CDH18: variants seen among roughly 807,000 people sequenced by gnomAD.
CDH18 encodes the protein cadherin 18, also known as cadherin-18.
A neutral mutation model predicts 67.9 loss-of-function variants in CDH18; 31 were observed. The ratio of observed to expected loss-of-function variants is 0.46; its 90% confidence interval spans 0.34 to 0.62. CDH18 has a LOEUF of 0.62. Ranked by LOEUF, CDH18 falls within the 20% of genes least tolerant of loss-of-function variation. CDH18 has a pLI of 0.01. For synonymous variants in CDH18, 362 were observed against 347.2 expected, an observed-to-expected ratio of 1.04 and a Z score of -0.48; for missense variants, 890 against 975.5, an observed-to-expected ratio of 0.91 and a Z score of 1.17.
intron 3 of CDH18, among the ~76,000 whole-genome samples, chr5:19,802,923 A>C (rs577458085): frequency 6.6e-6 from 1 of 152,354 alleles, no homozygotes; most frequent in South Asian, 2.1e-4. Context: ...AATTGTTCCT[A>C]AGGTGTCAGC....
intron 2 of CDH18, among the ~76,000 whole-genome samples, chr5:19,861,366 A>G (rs1334363253): frequency 6.6e-6 from 1 of 152,030 alleles, no homozygotes; most frequent in African/African-American, 2.4e-5. Flanking sequence ...TGTACCCAGG[A>G]GCCGGGAGGA....
intron 1 of CDH18, among the ~76,000 whole-genome samples, chr5:20,303,096 A>G (rs1298044087): frequency 6.6e-6 from 1 of 152,102 alleles, no homozygotes; most frequent in Non-Finnish European, 1.5e-5. Context: ...ACCTTATTAC[A>G]TGTTTCCTAG....
intron 9 of CDH18, among the ~76,000 whole-genome samples, chr5:19,536,241 G>A (rs1749404166): frequency 6.6e-6 from 1 of 152,146 alleles, no homozygotes; most frequent in South Asian, 2.1e-4. Flanking sequence ...AATGCATGCA[G>A]AACATTTAAC....
chr5:19,471,750 T>C lies in CDH18; in HGVS notation c.*1476A>G, dbSNP rs1737669169. Among the ~76,000 whole-genome samples, 1 of 152,164 alleles carries C rather than the reference T, an allele frequency of 6.6e-6. No individual in the cohort carries two copies. Among genetic ancestry groups the C allele is most frequent in the African/African-American group, 2.4e-5 (1 of 41,452 alleles). On this transcript the variant is annotated 3_prime_UTR_variant, in exon 13 of 13. Coordinates refer to ENST00000382275, the MANE Select transcript of CDH18 (RefSeq NM_004934.5). ...AAATATTAAAATAATTGGAATTGTG[T>C]ACATATATTTAAACAGTAGCTTCAC...
At chr5:19,659,070 G>A (rs1189328485) in intron 5 of CDH18, among the ~76,000 whole-genome samples, 2 of 152,046 alleles carry the variant, frequency 1.3e-5, no homozygotes, top group Non-Finnish European at 2.9e-5. Flanking sequence ...AACACTGAAT[G>A]TTCTCACTCA....
At chr5:20,240,284 T>C (rs964971355) in intron 2 of CDH18, among the ~76,000 whole-genome samples, 11 of 151,628 alleles carry the variant, frequency 7.3e-5, no homozygotes, top group East Asian at 1.9e-4. Context: ...TAAAAAAAAG[T>C]TGGCAATTAG....
intron 1 of CDH18, among the ~76,000 whole-genome samples, chr5:20,327,624 A>G (rs185250466): frequency 8.9e-4 from 135 of 152,298 alleles, no homozygotes; most frequent in Non-Finnish European, 1.5e-3. Context: ...GTTCCTATCC[A>G]TCCAAGTGAA....
At chr5:20,357,539 C>G (rs1012311652) in intron 1 of CDH18, among the ~76,000 whole-genome samples, 4 of 151,820 alleles carry the variant, frequency 2.6e-5, no homozygotes, top group Non-Finnish European at 4.4e-5. Context: ...ATAAGAGCGG[C>G]CAAAAAACAT....
intron 1 of CDH18, among the ~76,000 whole-genome samples, chr5:20,350,923 T>C (rs1322005475): frequency 6.6e-6 from 1 of 151,942 alleles, no homozygotes. Flanking sequence ...AGGTAGAAAA[T>C]AGGCTAATTC....
intron 1 of CDH18, among the ~76,000 whole-genome samples, chr5:20,438,367 T>C (rs923437291): frequency 1.3e-5 from 2 of 151,116 alleles, no homozygotes; most frequent in Admixed American, 6.6e-5. Context: ...GGTATCTATA[T>C]ACCCCACATC....
intron 2 of CDH18, among the ~76,000 whole-genome samples, chr5:20,238,164 C>A (rs370334202): frequency 6.6e-6 from 1 of 151,940 alleles, no homozygotes. Context: ...CCTACGTCAA[C>A]CCTCCCACAA....
chr5:19,828,683 A>G (rs924274417), intron 3 of CDH18, among the ~76,000 whole-genome samples: 7 of 152,192 alleles, frequency 4.6e-5, no homozygotes, highest in African/African-American at 7.2e-5. Context: ...GGTAAAATAC[A>G]ACATCGCTTC....
chr5:19,705,793 A>G (rs979332158), intron 5 of CDH18, among the ~76,000 whole-genome samples: 1 of 152,182 alleles, frequency 6.6e-6, no homozygotes, highest in Non-Finnish European at 1.5e-5. Flanking sequence ...TGAAGGCACA[A>G]ATACAGCAAG....
chr5:20,008,939 T>C (rs1211161813), intron 2 of CDH18, among the ~76,000 whole-genome samples: 9 of 152,122 alleles, frequency 5.9e-5, no homozygotes, highest in Non-Finnish European at 1.3e-4. Context: ...ATGAGAGACG[T>C]TAGTCAAGAG....
At chr5:20,570,140 T>A (rs909594950) in intron 1 of CDH18, among the ~76,000 whole-genome samples, 1 of 152,200 alleles carries the variant, frequency 6.6e-6, no homozygotes, top group Non-Finnish European at 1.5e-5. Flanking sequence ...TTATATAATA[T>A]ACATTACAGA....
chr5:20,333,336 G>A (rs988098995), intron 1 of CDH18, among the ~76,000 whole-genome samples: 5 of 151,528 alleles, frequency 3.3e-5, no homozygotes, highest in African/African-American at 4.9e-5. Flanking sequence ...GTGAAGCCTC[G>A]TCTCTACTAA....
chr5:19,627,973 AT>A (rs1279994549), intron 5 of CDH18, among the ~76,000 whole-genome samples: 3 of 152,136 alleles, frequency 2.0e-5, no homozygotes, highest in Admixed American at 2.0e-4. Context: ...ATGGGAAGCC[AT>A]TGGCAAGTTT....
At chr5:20,334,811 A>G (rs1471665406) in intron 1 of CDH18, among the ~76,000 whole-genome samples, 1 of 149,950 alleles carries the variant, frequency 6.7e-6, no homozygotes, top group African/African-American at 2.5e-5. Flanking sequence ...CTCCACCTCA[A>G]TAAAGCACAA....
intron 1 of CDH18, among the ~76,000 whole-genome samples, chr5:20,417,971 A>G (rs954916199): frequency 6.6e-5 from 10 of 152,198 alleles, no homozygotes; most frequent in Admixed American, 3.3e-4. Flanking sequence ...ACACAATCCT[A>G]TGAGGAGGAT....
Sources: allele counts gnomAD v4.1 joint callset (sites outside exome capture counted in the v4.1 genomes callset), GRCh38; gene constraint gnomAD v4.1.1; transcripts MANE v1.5; gene names NCBI Gene and HGNC (gene_info 2026-07-23, HGNC 2026-07-21).